Variants in AMMECR1 observed in about 807,000 individuals in gnomAD.
The protein encoded by AMMECR1 is nuclear protein AMMECR1.
A neutral mutation model predicts 22.5 loss-of-function variants in AMMECR1; 3 were observed. The observed-to-expected ratio is 0.13, with a 90% CI of 0.06 to 0.35. The LOEUF is 0.35. Among genes scored for constraint, AMMECR1 ranks in the 10% least tolerant of loss-of-function variants. AMMECR1 has a pLI of 1.00. For synonymous variants in AMMECR1, 130 were observed against 116.7 expected, an observed-to-expected ratio of 1.11 and a Z score of -0.74; for missense variants, 235 against 278.7, an observed-to-expected ratio of 0.84 and a Z score of 1.12.
At chrX:110,418,420 T>C (rs1161844261) in intron 2 of AMMECR1, among the ~76,000 whole-genome samples, 7 of 112,027 alleles carry the variant, frequency 6.2e-5, no homozygotes, top group Non-Finnish European at 1.3e-4. Flanking sequence ...TGTGTGCCGA[T>C]GGCCCCCGTG....
At chrX:110,362,704 T>A (rs905526327) in intron 2 of AMMECR1, among the ~76,000 whole-genome samples, 5 of 112,102 alleles carry the variant, frequency 4.5e-5, no homozygotes, top group African/African-American at 1.6e-4. Flanking sequence ...CTGACTGTTC[T>A]TTCATACTTC....
At chrX:110,350,183 T>G (rs1417684417) in intron 2 of AMMECR1, among the ~76,000 whole-genome samples, 1 of 112,053 alleles carries the variant, frequency 8.9e-6, no homozygotes, top group Non-Finnish European at 1.9e-5. Flanking sequence ...TCGCCCTGTT[T>G]TGAGAATATG....
At chrX:110,430,057 C>T (rs1297195315) in intron 1 of AMMECR1, among the ~76,000 whole-genome samples, 1 of 112,085 alleles carries the variant, frequency 8.9e-6, no homozygotes, top group Non-Finnish European at 1.9e-5. Context: ...GTGTTTGGTT[C>T]TTCCAAGTGC....
intron 1 of AMMECR1, among the ~76,000 whole-genome samples, chrX:110,303,784 A>G (rs1020049635): frequency 1.8e-5 from 2 of 112,462 alleles, no homozygotes; most frequent in African/African-American, 6.5e-5. Context: ...GTTAGTGAGC[A>G]TTACGCTAGT....
intron 2 of AMMECR1, among the ~76,000 whole-genome samples, chrX:110,262,314 G>A (rs189850997): frequency 4.5e-5 from 5 of 111,844 alleles, no homozygotes; most frequent in East Asian, 5.6e-4. Flanking sequence ...GTGCATGTGT[G>A]TATACACACA....
intron 2 of AMMECR1, among the ~76,000 whole-genome samples, chrX:110,424,371 A>G (rs1220023218): frequency 9.0e-6 from 1 of 111,723 alleles, no homozygotes; most frequent in African/African-American, 3.3e-5. Context: ...CTATTTATCC[A>G]GAACTGCATT....
At chrX:110,420,251 G>A (rs1473983833) in intron 2 of AMMECR1, among the ~76,000 whole-genome samples, 1 of 112,098 alleles carries the variant, frequency 8.9e-6, no homozygotes, top group Non-Finnish European at 1.9e-5. Context: ...TGCAGAGACT[G>A]GATCTTATTC....
At chrX:110,340,652 G>A (rs1473238495) in intron 2 of AMMECR1, among the ~76,000 whole-genome samples, 1 of 112,389 alleles carries the variant, frequency 8.9e-6, no homozygotes, top group African/African-American at 3.2e-5. Context: ...TGTTATAGAT[G>A]GGTGGTGAGG....
intron 3 of AMMECR1, among the ~76,000 whole-genome samples, chrX:110,203,245 T>C (rs2067405908): frequency 8.9e-6 from 1 of 112,047 alleles, no homozygotes; most frequent in Admixed American, 9.5e-5. Flanking sequence ...TATTGCAGTC[T>C]CTTTATATAC....
chrX:110,219,534 T>C (rs1315975934), intron 2 of AMMECR1: 1 of 747,560 alleles, frequency 1.3e-6, no homozygotes, highest in Non-Finnish European at 1.6e-6. Context: ...AATTTTCAAA[T>C]ACCTAAAACA....
chrX:110,417,079 G>A lies in AMMECR1; in HGVS notation c.-148+9579C>T, dbSNP rs1419145665. 2.7e-5 allele frequency among the ~76,000 whole-genome samples: 3 copies of A among 112,091 alleles called. No individual in the cohort carries two copies. The Admixed American group carries it at 2.8e-4, about 11-fold the overall frequency. On this transcript the variant is annotated intron_variant, in intron 2 of 7. Coordinates refer to the AMMECR1 transcript ENST00000372057. ...GACTTCAGGATAGCCCCCTTCAAAG[G>A]CAGTCTGTTTGGGGTCATCAGGAAC... is the stretch of plus-strand genomic sequence containing the variant.
chrX:110,222,096 G>A (rs1164188442), intron 2 of AMMECR1, among the ~76,000 whole-genome samples: 1 of 106,015 alleles, frequency 9.4e-6, no homozygotes, highest in East Asian at 3.0e-4. Context: ...CCATTACTGG[G>A]TATATACCCA....
intron 2 of AMMECR1, among the ~76,000 whole-genome samples, chrX:110,239,833 C>T: frequency 8.9e-6 from 1 of 111,840 alleles, no homozygotes; most frequent in Non-Finnish European, 1.9e-5. Flanking sequence ...AAGGGAAGCC[C>T]ATCAGACTAA....
In AMMECR1 at chrX:110,194,469, A is replaced by G. The variant is rs12843664; in HGVS notation, c.*4051T>C. 7 of 112,086 alleles carry G rather than the reference A, an allele frequency of 6.2e-5. No individual in the cohort carries two copies. Among genetic ancestry groups the G allele is most frequent in the African/African-American group, 2.3e-4 (7 of 30,913 alleles). The allele number at this position is 112,086 out of a possible 1,213,427, so 9.2% of individuals were successfully genotyped here. A position where few individuals can be genotyped will look rare whatever the true frequency, so the allele number is the denominator to read the frequency against. On this transcript the variant is annotated 3_prime_UTR_variant, in exon 6 of 6. Coordinates refer to ENST00000262844, the MANE Select transcript of AMMECR1 (RefSeq NM_015365.3). ...TGTGATGTCTTACGGTAATCAAAAAACAGGTTACTAAGAAAGAAGGAAAAG... is the reference window on the plus strand; with the variant it reads ...TGTGATGTCTTACGGTAATCAAAAAGCAGGTTACTAAGAAAGAAGGAAAAG...
At chrX:110,248,729 T>TTCTTAACTCCTAAAA (rs2067671976) in intron 2 of AMMECR1, among the ~76,000 whole-genome samples, 1 of 112,561 alleles carries the variant, frequency 8.9e-6, no homozygotes, top group Non-Finnish European at 1.9e-5. Flanking sequence ...AACTCCTAAA[T>TTCTTAACTCCTAAAA]GTCTACCTTT....
rs186184998 is a variant in AMMECR1, at chrX:110,354,456, G to T, written c.-147-36607C>A. Among the ~76,000 whole-genome samples the T allele has an allele frequency of 4.2e-3, 467 of 112,110 alleles. 1 individual carries two copies. The highest frequency in any genetic ancestry group is 7.3e-3 in the Non-Finnish European group (388 of 53,210). On this transcript the variant is annotated intron_variant, in intron 2 of 7. Transcript: ENST00000372057. ...TAGGTATTATAAATAATCTAGAGAT[G>T]ATTTAAAGTAGGCACGAGGATGTGC...
intron 5 of AMMECR1, among the ~76,000 whole-genome samples, chrX:110,200,105 A>G (rs972341863): frequency 1.8e-5 from 2 of 111,673 alleles, no homozygotes; most frequent in Non-Finnish European, 3.8e-5. Context: ...TCAAAAAAAA[A>G]TCCCTTTTTA....
chrX:110,410,075 A>G (rs186814183), intron 2 of AMMECR1, among the ~76,000 whole-genome samples: 4 of 111,986 alleles, frequency 3.6e-5, no homozygotes, highest in Non-Finnish European at 5.6e-5. Context: ...GAACCCAGTT[A>G]GGGAAACCAC....
At chrX:110,208,409 T>C (rs1396675593) in intron 3 of AMMECR1, among the ~76,000 whole-genome samples, 1 of 112,451 alleles carries the variant, frequency 8.9e-6, no homozygotes, top group African/African-American at 3.2e-5. Context: ...TATGTGTTGC[T>C]CTTCTTTAAA....
Sources: allele counts gnomAD v4.1 joint callset (sites outside exome capture counted in the v4.1 genomes callset), GRCh38; gene constraint gnomAD v4.1.1; transcripts MANE v1.5; gene names NCBI Gene and HGNC (gene_info 2026-07-23, HGNC 2026-07-21).